HSD17B4: variants seen among roughly 807,000 people sequenced by gnomAD.
HSD17B4 encodes hydroxysteroid 17-beta dehydrogenase 4.
HSD17B4 carries 70 observed loss-of-function variants against 101.0 expected under a neutral mutation model. The ratio of observed to expected loss-of-function variants is 0.69; its 90% CI spans 0.57 to 0.85. The LOEUF (loss-of-function observed/expected upper bound fraction) is 0.85, where lower values mean the gene tolerates loss of function less well. Ranked by LOEUF, HSD17B4 falls within the 40% of genes least tolerant of loss-of-function variation. The pLI is 0.00. For missense variants in HSD17B4, 984 were observed against 892.4 expected (o/e 1.10, Z -1.31); for synonymous variants, 347 against 297.1 (o/e 1.17, Z -1.73).
intron 22 of HSD17B4, among the ~76,000 whole-genome samples, chr5:119,532,446 A>G (rs1754196541): frequency 6.6e-6 from 1 of 152,116 alleles, no homozygotes; most frequent in Non-Finnish European, 1.5e-5. Context: ...TAGAAAGCAT[A>G]GTTTTAGAAA....
At chr5:119,539,825 C>G (rs989094488) in intron 23 of HSD17B4, among the ~76,000 whole-genome samples, 2 of 150,436 alleles carry the variant, frequency 1.3e-5, no homozygotes, top group African/African-American at 2.5e-5. Context: ...GACAATGTCT[C>G]GTGCCTGTAG....
chr5:119,458,046 C>G (rs1754847265), intron 2 of HSD17B4, among the ~76,000 whole-genome samples: 1 of 152,016 alleles, frequency 6.6e-6, no homozygotes, highest in African/African-American at 2.4e-5. Context: ...TATTTGAATT[C>G]TAAGAAAAAA....
chr5:119,479,510 T>TCA (rs1748916532), intron 8 of HSD17B4, among the ~76,000 whole-genome samples: 1 of 152,178 alleles, frequency 6.6e-6, no homozygotes, highest in Non-Finnish European at 1.5e-5. Context: ...ACACTGGGAT[T>TCA]CACCCTTTGT....
In HSD17B4 at chr5:119,542,032, A is replaced by G. The variant is rs1382140520; in HGVS notation, c.*38A>G. 7.5e-7 allele frequency: 1 copy of G among 1,337,688 alleles called. No homozygotes were observed. The allele number at this position is 1,337,688 out of a possible 1,614,324, so 82.9% of individuals were successfully genotyped here. ...ACTATTAATAAAAATGGAATCATTAAATACTCTCTTCACCCAAATATGCTT... is the reference window on the plus strand; with the variant it reads ...ACTATTAATAAAAATGGAATCATTAGATACTCTCTTCACCCAAATATGCTT... On this transcript the variant is annotated 3_prime_UTR_variant, in exon 24 of 24. Coordinates refer to ENST00000510025, the MANE Select transcript of HSD17B4 (RefSeq NM_000414.4).
chr5:119,463,515 C>G (rs1414910533), intron 2 of HSD17B4, among the ~76,000 whole-genome samples: 1 of 143,222 alleles, frequency 7.0e-6, no homozygotes, highest in African/African-American at 2.6e-5. Context: ...TTTTGTCATC[C>G]TTTGTTATTT....
rs779586877 is a variant in HSD17B4 at position 119,493,813 on chromosome 5, A to C, written c.740-5A>C. On this transcript the variant is annotated splice_polypyrimidine_tract_variant and splice_region_variant and intron_variant, in intron 10 of 23. Coordinates refer to ENST00000510025, the MANE Select transcript of HSD17B4 (RefSeq NM_000414.4). ...TCAGTATGTTAGTTTTGTTTCTATA[A>C]CCAGTACGCTGGGAGCGGACTCTTG... 7.4e-6 allele frequency: 12 copies of C among 1,612,590 alleles called. No homozygotes were observed. In the South Asian group the frequency reaches 1.2e-4, roughly 16 times the overall value.
intron 2 of HSD17B4, among the ~76,000 whole-genome samples, chr5:119,457,973 C>T (rs1026005319): frequency 5.3e-5 from 8 of 152,028 alleles, no homozygotes; most frequent in South Asian, 2.1e-4. Context: ...ACAGTGTGTT[C>T]CTGTGCATCA....
chr5:119,457,214 G>A (rs1290060377), intron 2 of HSD17B4, among the ~76,000 whole-genome samples: 1 of 152,148 alleles, frequency 6.6e-6, no homozygotes, highest in African/African-American at 2.4e-5. Flanking sequence ...AAGTGCAGGG[G>A]GATATGTAGG....
chr5:119,538,088 T>C (rs1754682974), intron 23 of HSD17B4, among the ~76,000 whole-genome samples: 1 of 152,142 alleles, frequency 6.6e-6, no homozygotes, highest in Non-Finnish European at 1.5e-5. Flanking sequence ...TTGACCACTC[T>C]GATGGGAAAC....
intron 16 of HSD17B4, among the ~76,000 whole-genome samples, chr5:119,512,495 CT>C (rs1752264231): frequency 6.6e-6 from 1 of 151,722 alleles, no homozygotes; most frequent in South Asian, 2.1e-4. Context: ...AAGAGCTGAC[CT>C]CTGACTTCTC....
At chr5:119,531,701 A>G (rs1580712930) in intron 22 of HSD17B4, among the ~76,000 whole-genome samples, 1 of 152,072 alleles carries the variant, frequency 6.6e-6, no homozygotes, top group East Asian at 1.9e-4. Context: ...CATCTTGGCT[A>G]TATGCATCTT....
intron 8 of HSD17B4, among the ~76,000 whole-genome samples, chr5:119,481,089 C>T (rs1463858063): frequency 1.3e-5 from 2 of 151,938 alleles, no homozygotes; most frequent in Non-Finnish European, 2.9e-5. Context: ...AGTCCTGAGG[C>T]GACATACATC....
At chr5:119,452,902 A>G in intron 1 of HSD17B4, 1 of 1,496,428 alleles carries the variant, frequency 6.7e-7, no homozygotes, top group Middle Eastern at 1.9e-4. Flanking sequence ...TGGGCTGCTG[A>G]TTGCAAAACT....
rs374499018 is a variant in HSD17B4, at chr5:119,525,969, G to A, written c.1626G>A (p.Arg542=). The A allele has an allele frequency of 1.9e-6, 3 of 1,612,032 alleles. No individual in the cohort carries two copies. In the African/African-American group the frequency reaches 4.0e-5, roughly 22 times the overall value. Residue 542 remains arginine, a synonymous_variant, in exon 19 of 24, where the codon AGG becomes AGA. Transcript: ENST00000510025. The stretch of plus-strand genomic sequence containing the variant: ...TATGTACATTTGGATTTTCTGCCAG[G>A]CGTGTGTTACAGCAGTTTGCAGATA... ...HGLCTFGFSA[R]RVLQQFADND...
intron 16 of HSD17B4, among the ~76,000 whole-genome samples, chr5:119,511,152 A>C (rs964123208): frequency 7.9e-5 from 12 of 152,250 alleles, no homozygotes; most frequent in African/African-American, 2.9e-4. Flanking sequence ...ACTCCTGCAG[A>C]AATTCTGCCT....
intron 2 of HSD17B4, among the ~76,000 whole-genome samples, chr5:119,458,168 A>T (rs1238619948): frequency 6.6e-6 from 1 of 152,216 alleles, no homozygotes; most frequent in Non-Finnish European, 1.5e-5. Context: ...AATATTTCAT[A>T]AACTTGAATG....
At chr5:119,531,198 T>G in intron 21 of HSD17B4, 68 bp from the exon 22 acceptor site, 1 of 1,522,974 alleles carries the variant, frequency 6.6e-7, no homozygotes. Flanking sequence ...TGCACATGTT[T>G]TATAATCACT....
At chr5:119,498,467 C>G (rs1750849440) in intron 12 of HSD17B4, among the ~76,000 whole-genome samples, 1 of 152,172 alleles carries the variant, frequency 6.6e-6, no homozygotes, top group Non-Finnish European at 1.5e-5. Flanking sequence ...GGACATTATT[C>G]TTTTATATGT....
At chr5:119,478,344 T>C (rs963215819) in intron 7 of HSD17B4, among the ~76,000 whole-genome samples, 8 of 152,172 alleles carry the variant, frequency 5.3e-5, no homozygotes, top group African/African-American at 1.9e-4. Context: ...TGTTGGAGAT[T>C]TCTAGTTTAT....
Sources: gnomAD v4.1 joint callset for allele counts (sites outside exome capture counted in the v4.1 genomes callset) on GRCh38, gnomAD v4.1.1 for gene constraint, MANE v1.5 for transcripts, NCBI Gene and HGNC (gene_info 2026-07-23, HGNC 2026-07-21) for gene names.